GALNTL6: variants seen among roughly 807,000 people sequenced by gnomAD.
GALNTL6 encodes the protein polypeptide N-acetylgalactosaminyltransferase-like 6.
GALNTL6 carries 46 observed loss-of-function variants against 73.7 expected under a neutral mutation model. The ratio of observed to expected loss-of-function variants is 0.62; its 90% CI spans 0.49 to 0.80. The LOEUF (loss-of-function observed/expected upper bound fraction) is 0.80, where lower values mean the gene tolerates loss of function less well. Ranked by LOEUF, GALNTL6 falls within the 30% of genes least tolerant of loss-of-function variation. GALNTL6 has a pLI of 0.00. For missense variants in GALNTL6, 604 were observed against 755.0 expected (o/e 0.80, Z 2.34); for synonymous variants, 259 against 263.7 (o/e 0.98, Z 0.17).
chr4:172,469,645 A>C (rs1732971121), intron 5 of GALNTL6, among the ~76,000 whole-genome samples: 5 of 152,240 alleles, frequency 3.3e-5, no homozygotes, highest in Admixed American at 3.3e-4. Context: ...AAATAAGATA[A>C]AAGAAATGTT....
intron 2 of GALNTL6, among the ~76,000 whole-genome samples, chr4:171,847,562 C>T (rs1481467262): frequency 6.6e-6 from 1 of 152,156 alleles, no homozygotes; most frequent in African/African-American, 2.4e-5. Flanking sequence ...CTTTTATCCA[C>T]AGTAAAACTT....
intron 2 of GALNTL6, among the ~76,000 whole-genome samples, chr4:172,195,985 A>G (rs1048906944): frequency 6.6e-6 from 1 of 150,788 alleles, no homozygotes; most frequent in East Asian, 1.9e-4. Flanking sequence ...TTTCAAAAAA[A>G]TAAATGAATC....
intron 2 of GALNTL6, among the ~76,000 whole-genome samples, chr4:171,961,289 C>G (rs1270200954): frequency 2.0e-5 from 3 of 152,148 alleles, no homozygotes; most frequent in Non-Finnish European, 4.4e-5. Flanking sequence ...AGTCCCTGTA[C>G]AGGGTTCCTG....
rs577732921 is a variant in GALNTL6 at position 172,621,970 on chromosome 4, T to C, written c.554-187391T>C. ...CATTCATGGGACCGAGGTTTCTGTG[T>C]TATCCAGGGTCCCACTCCTCCATAT... is the stretch of plus-strand genomic sequence containing the variant. On this transcript the variant is annotated intron_variant, in intron 5 of 12. Transcript: ENST00000506823. Among the ~76,000 whole-genome samples, 14 of 152,210 alleles carry C rather than the reference T, an allele frequency of 9.2e-5. No homozygotes were observed. The South Asian group carries it at 2.5e-3, about 27-fold the overall frequency.
At chr4:171,925,379 T>A (rs920804559) in intron 2 of GALNTL6, among the ~76,000 whole-genome samples, 7 of 152,098 alleles carry the variant, frequency 4.6e-5, no homozygotes, top group Non-Finnish European at 7.4e-5. Flanking sequence ...CAGCCAAAGA[T>A]AATGGCCTGA....
rs1198129689 is a variant in GALNTL6 at position 172,082,985 on chromosome 4, C to T, written c.139-146671C>T. Among the ~76,000 whole-genome samples, 3 of 152,090 alleles carry T rather than the reference C, an allele frequency of 2.0e-5. No individual in the cohort carries two copies. The East Asian group carries it at 5.8e-4, about 29-fold the overall frequency. On this transcript the variant is annotated intron_variant, in intron 2 of 12. Coordinates refer to ENST00000506823, the MANE Select transcript of GALNTL6 (RefSeq NM_001034845.3). ...TTAATGTTTATCACTAAAATATTTC[C>T]CAAAAGCTTGATCCTTCTGGAATCT...
At chr4:172,981,639 C>T (rs767867027) in intron 10 of GALNTL6, among the ~76,000 whole-genome samples, 11 of 151,976 alleles carry the variant, frequency 7.2e-5, no homozygotes, top group Non-Finnish European at 1.2e-4. Flanking sequence ...GTGAACCTTT[C>T]GACTTTGTTC....
intron 4 of GALNTL6, among the ~76,000 whole-genome samples, chr4:172,326,623 G>T (rs1740953199): frequency 6.6e-6 from 1 of 151,854 alleles, no homozygotes. Flanking sequence ...GAAGGAGGTG[G>T]CGATCTGGCA....
At chr4:172,883,684 C>G (rs1032295258) in intron 8 of GALNTL6, among the ~76,000 whole-genome samples, 5 of 152,182 alleles carry the variant, frequency 3.3e-5, no homozygotes, top group African/African-American at 1.2e-4. Context: ...TGACAAACAA[C>G]CAAATTATAT....
chr4:172,046,837 A>G (rs765764912), intron 2 of GALNTL6, among the ~76,000 whole-genome samples: 3 of 152,036 alleles, frequency 2.0e-5, no homozygotes, highest in Non-Finnish European at 4.4e-5. Flanking sequence ...TACTCTGTTA[A>G]TTATTTTCTT....
chr4:171,867,403 A>C (rs773794486), intron 2 of GALNTL6, among the ~76,000 whole-genome samples: 1 of 152,224 alleles, frequency 6.6e-6, no homozygotes, highest in Non-Finnish European at 1.5e-5. Flanking sequence ...CAGAACCACT[A>C]TTCTCACAAA....
At chr4:172,958,932 A>T (rs188560242) in intron 10 of GALNTL6, among the ~76,000 whole-genome samples, 168 of 152,314 alleles carry the variant, frequency 1.1e-3, no homozygotes, top group African/African-American at 3.9e-3. Context: ...CATGGGGTGG[A>T]TAGGCAAAAC....
intron 5 of GALNTL6, chr4:172,668,633 G>A (rs138220030): frequency 3.7e-4 from 57 of 152,112 alleles, no homozygotes; most frequent in African/African-American, 1.3e-3. Context: ...AATCAGCAGC[G>A]GTACTTCAAA....
intron 5 of GALNTL6, among the ~76,000 whole-genome samples, chr4:172,744,589 C>T (rs1736987306): frequency 1.3e-5 from 2 of 151,956 alleles, no homozygotes; most frequent in Admixed American, 6.6e-5. Flanking sequence ...AGTAGGCTGC[C>T]CATTTATTTC....
At chr4:171,963,664 C>T (rs1223198928) in intron 2 of GALNTL6, among the ~76,000 whole-genome samples, 1 of 152,092 alleles carries the variant, frequency 6.6e-6, no homozygotes, top group Non-Finnish European at 1.5e-5. Flanking sequence ...AAATGTAAAT[C>T]GCTTACTTAA....
At chr4:172,419,224 T>C (rs1730959455) in intron 5 of GALNTL6, among the ~76,000 whole-genome samples, 2 of 152,142 alleles carry the variant, frequency 1.3e-5, no homozygotes, top group Admixed American at 1.3e-4. Flanking sequence ...TAACATCCTG[T>C]TGATTAAAGA....
chr4:172,729,138 A>C (rs1735999987), intron 5 of GALNTL6, among the ~76,000 whole-genome samples: 1 of 152,116 alleles, frequency 6.6e-6, no homozygotes, highest in African/African-American at 2.4e-5. Context: ...ATCCCCTTTC[A>C]GATGGATAGT....
intron 5 of GALNTL6, among the ~76,000 whole-genome samples, chr4:172,748,764 G>A (rs1737255795): frequency 6.6e-6 from 1 of 152,174 alleles, no homozygotes; most frequent in African/African-American, 2.4e-5. Flanking sequence ...GATTTTAAAT[G>A]TTCTCACCAC....
intron 5 of GALNTL6, among the ~76,000 whole-genome samples, chr4:172,726,530 A>G (rs1735820817): frequency 6.6e-6 from 1 of 152,206 alleles, no homozygotes; most frequent in African/African-American, 2.4e-5. Context: ...GTTTTTGGCT[A>G]TTACTATAAC....
Sources: gnomAD v4.1 joint callset for allele counts (sites outside exome capture counted in the v4.1 genomes callset) on GRCh38, gnomAD v4.1.1 for gene constraint, MANE v1.5 for transcripts, NCBI Gene and HGNC (gene_info 2026-07-23, HGNC 2026-07-21) for gene names.